Variants in NKAIN2 observed in about 807,000 individuals in gnomAD.
NKAIN2 encodes sodium/potassium transporting ATPase interacting 2.
In NKAIN2, 14 loss-of-function variants were observed where a neutral mutation model predicts 32.6. The observed-to-expected ratio is 0.43, with a 90% confidence interval of 0.28 to 0.67. The LOEUF (loss-of-function observed/expected upper bound fraction) is 0.67. Among genes scored for constraint, NKAIN2 ranks in the 30% least tolerant of loss-of-function variants. The pLI is 0.17. For missense variants in NKAIN2, 198 were observed against 258.3 expected, an observed-to-expected ratio of 0.77 and a Z score of 1.60; for synonymous variants, 80 against 87.2, an observed-to-expected ratio of 0.92 and a Z score of 0.46.
At chr6:124,444,815 T>C (rs1775824497) in intron 3 of NKAIN2, among the ~76,000 whole-genome samples, 1 of 152,056 alleles carries the variant, frequency 6.6e-6, no homozygotes, top group African/African-American at 2.4e-5. Flanking sequence ...TTCAAGGAGC[T>C]TTTTTGAAAT....
intron 3 of NKAIN2, among the ~76,000 whole-genome samples, chr6:124,531,737 T>C (rs994891144): frequency 6.6e-6 from 1 of 152,176 alleles, no homozygotes; most frequent in Non-Finnish European, 1.5e-5. Context: ...TGCAGTGGTA[T>C]GATCTCCATG....
At chr6:124,618,417 G>A (rs1452759621) in intron 3 of NKAIN2, among the ~76,000 whole-genome samples, 1 of 152,200 alleles carries the variant, frequency 6.6e-6, no homozygotes, top group East Asian at 1.9e-4. Context: ...GGCGGAGGTT[G>A]CAGTGAGCCA....
At chr6:124,620,639 C>T (rs9491204) in intron 3 of NKAIN2, among the ~76,000 whole-genome samples, 1 of 152,146 alleles carries the variant, frequency 6.6e-6, no homozygotes, top group African/African-American at 2.4e-5. Context: ...CTTTCATAAG[C>T]TAAGGTTAGG....
chr6:124,592,513 G>A (rs1781948067), intron 3 of NKAIN2, among the ~76,000 whole-genome samples: 1 of 152,178 alleles, frequency 6.6e-6, no homozygotes, highest in Non-Finnish European at 1.5e-5. Flanking sequence ...CTTCACTGTT[G>A]AAAGGGCATA....
intron 1 of NKAIN2, among the ~76,000 whole-genome samples, chr6:123,866,588 G>A (rs559783791): frequency 1.3e-5 from 2 of 152,142 alleles, no homozygotes; most frequent in East Asian, 1.9e-4. Context: ...CCGCCACCAA[G>A]CCCGGCCAAT....
chr6:124,267,945 T>C (rs984691698), intron 1 of NKAIN2, among the ~76,000 whole-genome samples: 9 of 152,216 alleles, frequency 5.9e-5, no homozygotes, highest in African/African-American at 1.9e-4. Context: ...CTTTTATATC[T>C]TAATTATTGT....
intron 3 of NKAIN2, among the ~76,000 whole-genome samples, chr6:124,632,465 ATTGT>A (rs962432276): frequency 1.3e-4 from 20 of 150,708 alleles, no homozygotes; most frequent in African/African-American, 4.1e-4. Context: ...AAATGATTGA[ATTGT>A]TTGTTTCTTT....
intron 2 of NKAIN2, among the ~76,000 whole-genome samples, chr6:124,302,159 A>G (rs1052482546): frequency 6.6e-6 from 1 of 152,188 alleles, no homozygotes. Flanking sequence ...GTTCCCCTGC[A>G]CAAGCTCTCT....
At chr6:124,446,652 A>T (rs1402711983) in intron 3 of NKAIN2, among the ~76,000 whole-genome samples, 1 of 152,120 alleles carries the variant, frequency 6.6e-6, no homozygotes, top group Non-Finnish European at 1.5e-5. Flanking sequence ...AAAAATATAC[A>T]AGTTATATAA....
chr6:124,438,349 TA>T (rs1775549064), intron 3 of NKAIN2, among the ~76,000 whole-genome samples: 1 of 152,178 alleles, frequency 6.6e-6, no homozygotes, highest in African/African-American at 2.4e-5. Context: ...AATGCATTGC[TA>T]TCTTCTGCCA....
At chr6:124,023,333 T>C (rs1357708742) in intron 1 of NKAIN2, among the ~76,000 whole-genome samples, 1 of 152,092 alleles carries the variant, frequency 6.6e-6, no homozygotes, top group South Asian at 2.1e-4. Context: ...TCCTCTCTTA[T>C]CTGGCTCACT....
rs1582587797 is a variant in NKAIN2, at chr6:124,824,980, G to A, written c.*1751G>A. The A allele has an allele frequency of 6.6e-6, 1 of 152,538 alleles. No homozygotes were observed. Among genetic ancestry groups the A allele is most frequent in the African/African-American group, 2.4e-5 (1 of 41,424 alleles). The allele number at this position is 152,538 out of a possible 1,614,324, so 9.4% of individuals were successfully genotyped here. A position where few individuals can be genotyped will look rare whatever the true frequency, so the allele number is the denominator to read the frequency against. ...ACTCATGCTTGAATTTCCTCAGTGG[G>A]TTGTATGTTTGTCCATACATACATG... On this transcript the variant is annotated 3_prime_UTR_variant, in exon 7 of 7. Transcript: ENST00000368417.
At chr6:124,255,070 C>T (rs990068033) in intron 1 of NKAIN2, among the ~76,000 whole-genome samples, 3 of 152,148 alleles carry the variant, frequency 2.0e-5, no homozygotes, top group Non-Finnish European at 4.4e-5. Context: ...TATTCCTGTT[C>T]AATTGCATTA....
intron 2 of NKAIN2, among the ~76,000 whole-genome samples, chr6:124,289,589 GA>G (rs889173480): frequency 2.0e-5 from 3 of 152,110 alleles, no homozygotes; most frequent in Admixed American, 6.6e-5. Context: ...TTGCATGGGG[GA>G]AAAATCCTCT....
At chr6:124,558,723 G>A (rs771885882) in intron 3 of NKAIN2, among the ~76,000 whole-genome samples, 3 of 152,152 alleles carry the variant, frequency 2.0e-5, no homozygotes, top group Non-Finnish European at 2.9e-5. Context: ...CAAGGCGGGT[G>A]GATCACTTGA....
At chr6:124,089,783 C>T (rs1784343629) in intron 1 of NKAIN2, among the ~76,000 whole-genome samples, 3 of 151,938 alleles carry the variant, frequency 2.0e-5, no homozygotes, top group South Asian at 2.1e-4. Flanking sequence ...CAGGCACTAG[C>T]GTTATCTTGG....
intron 3 of NKAIN2, among the ~76,000 whole-genome samples, chr6:124,491,282 C>G (rs191119112): frequency 6.6e-6 from 1 of 151,802 alleles, no homozygotes; most frequent in African/African-American, 2.4e-5. Context: ...AGTATGACTC[C>G]GAGAGCTTGA....
At chr6:124,421,970 G>A (rs1354653228) in intron 3 of NKAIN2, among the ~76,000 whole-genome samples, 1 of 152,060 alleles carries the variant, frequency 6.6e-6, no homozygotes, top group Non-Finnish European at 1.5e-5. Flanking sequence ...GTATTTTGGG[G>A]TGACATATTC....
intron 2 of NKAIN2, among the ~76,000 whole-genome samples, chr6:124,320,628 C>T (rs1797138539): frequency 6.6e-6 from 1 of 152,110 alleles, no homozygotes; most frequent in South Asian, 2.1e-4. Context: ...AAATCTATAG[C>T]CCCTAGCCCA....
Sources: gnomAD v4.1 joint callset for allele counts (sites outside exome capture counted in the v4.1 genomes callset) on GRCh38, gnomAD v4.1.1 for gene constraint, MANE v1.5 for transcripts, NCBI Gene and HGNC (gene_info 2026-07-23, HGNC 2026-07-21) for gene names.